RGPD2: variants seen among roughly 807,000 people sequenced by gnomAD.
RGPD2 encodes the protein RANBP2-like and GRIP domain-containing protein 2.
A neutral mutation model predicts 36.0 loss-of-function variants in RGPD2; 2 were observed. That is an observed-to-expected ratio of 0.06 (90% CI 0.02 to 0.17). RGPD2 has a LOEUF of 0.17. Among genes scored for constraint, RGPD2 ranks in the 10% least tolerant of loss-of-function variants. The pLI is 1.00. For synonymous variants in RGPD2, 19 were observed against 163.8 expected (o/e 0.12, Z 6.75); for missense variants, 40 against 464.3 (o/e 0.09, Z 8.40).
At chr2:87,825,556 A>C in intron 1 of RGPD2, 102 bp downstream of exon 1, 1 of 839,622 alleles carries the variant, frequency 1.2e-6, no homozygotes, top group African/African-American at 2.9e-5. Context: ...CCGCCCGGCC[A>C]GGTCGAGGCC....
At chr2:87,861,454 C>T in the RGPD2 span, among the ~76,000 whole-genome samples, 7 of 151,920 alleles carry the variant, frequency 4.6e-5, no homozygotes, top group Non-Finnish European at 8.8e-5. Flanking sequence ...TGATGAACCA[C>T]CAATTTTGTA....
chr2:87,855,015 T>C, the RGPD2 span, among the ~76,000 whole-genome samples: 1 of 151,594 alleles, frequency 6.6e-6, no homozygotes, highest in African/African-American at 2.4e-5. Context: ...TGTGTGTGCG[T>C]GTGTGTGTGT....
At chr2:87,930,855 T>TAA in the RGPD2 span, among the ~76,000 whole-genome samples, 1 of 148,356 alleles carries the variant, frequency 6.7e-6, no homozygotes, top group Non-Finnish European at 1.5e-5. Context: ...TTTTAGTTTA[T>TAA]AAGTATAGAG....
the RGPD2 span, among the ~76,000 whole-genome samples, chr2:87,839,292 A>G: frequency 2.6e-5 from 4 of 152,318 alleles, no homozygotes; most frequent in African/African-American, 9.6e-5. Flanking sequence ...ATCACTAATC[A>G]TAAGAGAAAT....
chr2:87,834,489 T>G, the RGPD2 span, among the ~76,000 whole-genome samples: 1 of 152,088 alleles, frequency 6.6e-6, no homozygotes, highest in Non-Finnish European at 1.5e-5. Context: ...TGCTAGCAAA[T>G]GACTTTTGCA....
intron 20 of RGPD2, among the ~76,000 whole-genome samples, chr2:87,780,182 G>GATCT (rs1685336143): frequency 1.3e-4 from 3 of 22,314 alleles, no homozygotes; most frequent in African/African-American, 6.3e-4. Context: ...AGAAATAACA[G>GATCT]TACACCGTAA....
the RGPD2 span, among the ~76,000 whole-genome samples, chr2:87,882,564 T>G: frequency 1.3e-5 from 2 of 152,260 alleles, no homozygotes; most frequent in African/African-American, 4.8e-5. Context: ...TGGTCAAGAT[T>G]GCTTTGAGTA....
At chr2:87,952,551 A>G in the RGPD2 span, among the ~76,000 whole-genome samples, 2 of 152,358 alleles carry the variant, frequency 1.3e-5, no homozygotes, top group Non-Finnish European at 2.9e-5. Flanking sequence ...GCTTCAGCCA[A>G]TGTTTTCAAT....
At chr2:87,986,706 C>G in the RGPD2 span, among the ~76,000 whole-genome samples, 63 of 150,972 alleles carry the variant, frequency 4.2e-4, no homozygotes, top group East Asian at 0.012. Flanking sequence ...ATGGTGAAAC[C>G]CCATTTCTAC....
the RGPD2 span, among the ~76,000 whole-genome samples, chr2:87,986,428 C>T: frequency 0.9 from 136,769 of 151,192 alleles, 62,223 homozygotes; most frequent in East Asian, 1. Context: ...CCACTGTGCC[C>T]AGCCAAGGAC....
chr2:87,883,554 T>C, the RGPD2 span, among the ~76,000 whole-genome samples: 1 of 151,968 alleles, frequency 6.6e-6, no homozygotes, highest in East Asian at 1.9e-4. Context: ...AGCCCAGTTA[T>C]ATGCTGCCTA....
the RGPD2 span, among the ~76,000 whole-genome samples, chr2:87,988,543 T>TATATATATATATATATATATA: frequency 8.6e-4 from 24 of 27,800 alleles, no homozygotes; most frequent in South Asian, 0.015. Context: ...ATATATATAT[T>TATATATATATATATATATATA]TTTTTTTTTT....
the RGPD2 span, among the ~76,000 whole-genome samples, chr2:87,932,686 A>G: frequency 3.4e-4 from 52 of 151,802 alleles, no homozygotes; most frequent in African/African-American, 1.2e-3. Context: ...CCTGAAAAGG[A>G]TCTTATTTCT....
At chr2:87,933,650 G>A in the RGPD2 span, among the ~76,000 whole-genome samples, 4 of 148,922 alleles carry the variant, frequency 2.7e-5, no homozygotes, top group East Asian at 5.9e-4. Context: ...GAAGGAACAG[G>A]TGGTGTTTCA....
At chr2:87,795,984 CTA>C (rs1158594736) in intron 9 of RGPD2, 136 bp from the exon 10 acceptor site, 1 of 140,810 alleles carries the variant, frequency 7.1e-6, no homozygotes, top group African/African-American at 6.6e-5. Context: ...GGAGGGAATT[CTA>C]TGTTAGGCAA....
intron 1 of RGPD2, chr2:87,825,207 A>G (rs1686653002): frequency 2.0e-5 from 8 of 393,492 alleles, no homozygotes; most frequent in Non-Finnish European, 3.6e-5. Context: ...CCACCTCCAA[A>G]TACCTCATCA....
the RGPD2 span, among the ~76,000 whole-genome samples, chr2:87,842,698 T>TG: frequency 2.6e-5 from 4 of 151,576 alleles, no homozygotes; most frequent in Non-Finnish European, 5.9e-5. Context: ...TTCACAGAAT[T>TG]GGAAAAAACT....
chr2:87,876,559 A>T, the RGPD2 span, among the ~76,000 whole-genome samples: 1 of 152,294 alleles, frequency 6.6e-6, no homozygotes, highest in Non-Finnish European at 1.5e-5. Context: ...TCTTAATTTT[A>T]AGTTCAAATT....
chr2:87,808,886 C>A (rs1574018925), intron 6 of RGPD2, among the ~76,000 whole-genome samples: 1 of 48,592 alleles, frequency 2.1e-5, no homozygotes, highest in South Asian at 7.4e-4. Context: ...CCACATACGG[C>A]CAGGTGCAGT....
Sources: gnomAD v4.1 joint callset for allele counts (sites outside exome capture counted in the v4.1 genomes callset) on GRCh38, gnomAD v4.1.1 for gene constraint, MANE v1.5 for transcripts, NCBI Gene and HGNC (gene_info 2026-07-23, HGNC 2026-07-21) for gene names.